The following ZNF341 variants were observed in gnomAD, a reference collection of about 807,000 sequenced individuals.
ZNF341 encodes zinc finger protein 341.
Under a neutral mutation model 87.7 loss-of-function variants are expected in ZNF341, and 52 were observed. That is an observed-to-expected ratio of 0.59 (90% CI 0.47 to 0.75). The LOEUF (loss-of-function observed/expected upper bound fraction) is 0.75. Ranked by LOEUF, ZNF341 falls within the 30% of genes least tolerant of loss-of-function variation. The pLI is 0.00. For synonymous variants in ZNF341, 459 were observed against 472.7 expected, an observed-to-expected ratio of 0.97 and a Z score of 0.38; for missense variants, 977 against 1,145.9, an observed-to-expected ratio of 0.85 and a Z score of 2.13.
chr20:33,758,157 A>G (rs1343932126), intron 6 of ZNF341, among the ~76,000 whole-genome samples: 2 of 152,154 alleles, frequency 1.3e-5, no homozygotes, highest in African/African-American at 4.8e-5. Flanking sequence ...CAGGGAATAA[A>G]TAAATAAATA....
chr20:33,756,372 T>TC (rs1447959758), intron 5 of ZNF341, among the ~76,000 whole-genome samples: 1 of 150,508 alleles, frequency 6.6e-6, no homozygotes, highest in African/African-American at 2.4e-5. Context: ...CTCTCTCTTT[T>TC]TTTTTTTTTT....
At chr20:33,785,925 C>G (rs949357368) in intron 12 of ZNF341, among the ~76,000 whole-genome samples, 8 of 152,062 alleles carry the variant, frequency 5.3e-5, no homozygotes, top group Non-Finnish European at 1.0e-4. Context: ...CCCCCGGGCC[C>G]CCCCCAGAAG....
At chr20:33,759,246 G>A (rs6057901) in intron 7 of ZNF341, among the ~76,000 whole-genome samples, 1,697 of 152,282 alleles carry the variant, frequency 0.011, 35 homozygotes, top group African/African-American at 0.039. Flanking sequence ...AGGGGAGGCT[G>A]GGCTTGTTCA....
intron 10 of ZNF341, among the ~76,000 whole-genome samples, chr20:33,771,006 C>T (rs1393973583): frequency 6.6e-6 from 1 of 151,852 alleles, no homozygotes; most frequent in Non-Finnish European, 1.5e-5. Flanking sequence ...CCTGTAGTCC[C>T]AGCTACTTGG....
rs751837080 is a variant in ZNF341 at position 33,781,350 on chromosome 20, C to T, written c.1682C>T (p.Thr561Ile). The change falls in exon 11 of 15, where the codon ACC (threonine) becomes ATC (isoleucine). Residue 561 changes from threonine to isoleucine, a missense_variant. Coordinates refer to ENST00000375200, the MANE Select transcript of ZNF341 (RefSeq NM_001282933.2). ...TPEALEHHLQ[T>I]ATHNFPCPHC... ...GAGGCCCTGGAGCACCACCTGCAGA[C>T]CGCCACTCACAACTTCCCCTGCCCA... The T allele has an allele frequency of 6.8e-6, 11 of 1,614,022 alleles. No individual in the cohort carries two copies. Among genetic ancestry groups the T allele is most frequent in the Non-Finnish European group, 9.3e-6 (11 of 1,180,024 alleles).
intron 14 of ZNF341, 98 bp from the exon 15 acceptor site, chr20:33,790,890 T>TG: frequency 7.2e-7 from 1 of 1,391,786 alleles, no homozygotes; most frequent in Non-Finnish European, 9.6e-7. Context: ...ATCACACAGG[T>TG]GCTGGTGGGG....
chr20:33,743,636 C>T (rs1258058560), intron 2 of ZNF341, among the ~76,000 whole-genome samples: 1 of 152,042 alleles, frequency 6.6e-6, no homozygotes, highest in Non-Finnish European at 1.5e-5. Flanking sequence ...AGCCACCTCG[C>T]CTGGCAACCC....
At chr20:33,752,298 A>G in intron 4 of ZNF341, 1 of 605,234 alleles carries the variant, frequency 1.7e-6, no homozygotes, top group Non-Finnish European at 3.2e-6. Context: ...ACACGGATGC[A>G]GTATGGGACA....
At position 33,754,012 on chromosome 20, in the gene ZNF341, A is replaced by G. The variant is rs901073914; in HGVS notation, c.741+589A>G. Among the ~76,000 whole-genome samples the G allele has an allele frequency of 3.9e-5, 6 of 152,102 alleles. No individual in the cohort carries two copies. In the South Asian group the frequency reaches 1.2e-3, roughly 32 times the overall value. ...CTCAGCTCTGTTCTGCGTGACTCTC[A>G]TCCTCCACTAGGTTCTCATGGCCAT... On this transcript the variant is annotated intron_variant, in intron 5 of 14. Transcript: ENST00000375200.
intron 9 of ZNF341, among the ~76,000 whole-genome samples, chr20:33,769,869 C>T (rs2019487827): frequency 6.6e-6 from 1 of 152,166 alleles, no homozygotes; most frequent in Non-Finnish European, 1.5e-5. Flanking sequence ...CGAGATTGTA[C>T]CACTGCACTC....
At chr20:33,772,211 C>T (rs775126646) in intron 10 of ZNF341, among the ~76,000 whole-genome samples, 2 of 152,020 alleles carry the variant, frequency 1.3e-5, no homozygotes, top group Non-Finnish European at 2.9e-5. Context: ...AGTCATTTTG[C>T]TGTACATTTG....
intron 11 of ZNF341, among the ~76,000 whole-genome samples, chr20:33,781,831 C>G (rs1022202341): frequency 1.5e-4 from 23 of 152,170 alleles, no homozygotes; most frequent in African/African-American, 5.3e-4. Context: ...AGGCATGTGC[C>G]ACCATGCCCA....
chr20:33,789,809 G>A (rs973179844), intron 14 of ZNF341, among the ~76,000 whole-genome samples: 12 of 152,202 alleles, frequency 7.9e-5, no homozygotes, highest in African/African-American at 1.4e-4. Flanking sequence ...AGTCCAAGGA[G>A]GAAGCTGACC....
chr20:33,746,228 C>CTTTTTTTTTTTTTT lies in ZNF341; in HGVS notation c.339+938_339+951dup. ...ACAGGCGTGAGCCACCGCGCCCGGC[C>CTTTTTTTTTTTTTT]TTTTTTTTTTTTTTTTTTTTTTGAG... On this transcript the variant is annotated intron_variant, in intron 3 of 14. Transcript: ENST00000375200. Among the ~76,000 whole-genome samples, 33 of 104,110 alleles carry CTTTTTTTTTTTTTT rather than the reference C, an allele frequency of 3.2e-4. 1 individual carries two copies. Among genetic ancestry groups the CTTTTTTTTTTTTTT allele is most frequent in the African/African-American group, 1.6e-3 (33 of 20,738 alleles). The allele number at this position is 104,110 out of a possible 152,430, so 68.3% of individuals were successfully genotyped here.
chr20:33,737,959 G>T (rs944062561), intron 1 of ZNF341, among the ~76,000 whole-genome samples: 1 of 151,868 alleles, frequency 6.6e-6, no homozygotes, highest in Non-Finnish European at 1.5e-5. Flanking sequence ...CCAACATGGA[G>T]AAACCCTGTC....
At chr20:33,763,574 C>T (rs1156317081) in intron 8 of ZNF341, among the ~76,000 whole-genome samples, 2 of 152,020 alleles carry the variant, frequency 1.3e-5, no homozygotes, top group Non-Finnish European at 2.9e-5. Flanking sequence ...GCTGAGATTA[C>T]GGACGTGAGC....
At chr20:33,790,424 A>AT (rs147565705) in intron 14 of ZNF341, among the ~76,000 whole-genome samples, 2 of 151,948 alleles carry the variant, frequency 1.3e-5, no homozygotes, top group South Asian at 4.1e-4. Context: ...GCCCTGTAGG[A>AT]TTTTTAGCAG....
chr20:33,766,991 A>G lies in ZNF341; in HGVS notation c.1363A>G (p.Ser455Gly), dbSNP rs1247943716. 1.9e-6 allele frequency: 3 copies of G among 1,614,192 alleles called. No homozygotes were observed. Among genetic ancestry groups the G allele is most frequent in the South Asian group, 2.2e-5 (2 of 91,088 alleles). ...GTGCCAATTCTGCCCCAGCAAATTC[A>G]GCACCTACTTCCAGCTCAAGTCTCA... ...YLCQFCPSKFSTYFQLKSHMT... is the reference protein window; with the variant it reads ...YLCQFCPSKFGTYFQLKSHMT... The change falls in exon 9 of 15, where the codon AGC (serine) becomes GGC (glycine). Residue 455 changes from serine to glycine, a missense_variant. Physicochemically the swap from Ser to Gly is moderately conservative, Grantham distance 56. Coordinates refer to ENST00000375200, the MANE Select transcript of ZNF341 (RefSeq NM_001282933.2).
At chr20:33,790,826 G>A (rs1033126451) in intron 14 of ZNF341, among the ~76,000 whole-genome samples, 162 bp from the exon 15 acceptor site, 8 of 152,312 alleles carry the variant, frequency 5.3e-5, no homozygotes, top group African/African-American at 1.4e-4. Context: ...TGTGGCTGGC[G>A]CAGAGAGTGG....
Sources: allele counts gnomAD v4.1 joint callset (sites outside exome capture counted in the v4.1 genomes callset), GRCh38; gene constraint gnomAD v4.1.1; transcripts MANE v1.5; gene names NCBI Gene and HGNC (gene_info 2026-07-23, HGNC 2026-07-21).